Variants in TMEM132C observed in about 807,000 individuals in gnomAD.
TMEM132C encodes the protein transmembrane protein 132C.
In TMEM132C, 29 loss-of-function variants were observed where a neutral mutation model predicts 61.4. That is an observed-to-expected ratio of 0.47 (90% CI 0.35 to 0.64). The LOEUF is 0.64. Ranked by LOEUF, TMEM132C falls within the 30% of genes least tolerant of loss-of-function variation. The pLI is 0.00. For synonymous variants in TMEM132C, 656 were observed against 633.1 expected, an observed-to-expected ratio of 1.04 and a Z score of -0.54; for missense variants, 1,408 against 1,476.9, an observed-to-expected ratio of 0.95 and a Z score of 0.76.
Position 128,528,326 on chromosome 12 carries a change from C to T in TMEM132C, c.975-15631C>T, listed in dbSNP as rs1873165120. 4.6e-5 allele frequency among the ~76,000 whole-genome samples: 7 copies of T among 152,176 alleles called. No homozygotes were observed. In the South Asian group the frequency reaches 1.5e-3, roughly 32 times the overall value. Reference sequence around the variant, plus strand: ...CGATCTCTCCTCCTGATGGTTTATTCTCCCATAATTAAATTAGCATCGTGC... The same window carrying T: ...CGATCTCTCCTCCTGATGGTTTATTTTCCCATAATTAAATTAGCATCGTGC... On this transcript the variant is annotated intron_variant, in intron 2 of 8. Coordinates refer to ENST00000435159, the MANE Select transcript of TMEM132C (RefSeq NM_001136103.3).
At chr12:128,472,533 C>T (rs1258766565) in intron 2 of TMEM132C, among the ~76,000 whole-genome samples, 1 of 152,188 alleles carries the variant, frequency 6.6e-6, no homozygotes. Flanking sequence ...CATGTGTGCA[C>T]GGAGTGGTTG....
At chr12:128,550,390 C>T (rs547216254) in intron 3 of TMEM132C, among the ~76,000 whole-genome samples, 1 of 152,000 alleles carries the variant, frequency 6.6e-6, no homozygotes, top group Admixed American at 6.6e-5. Context: ...GTAGCCTTGA[C>T]TTCCTGGGCT....
At chr12:128,650,201 C>T (rs573502735) in intron 4 of TMEM132C, among the ~76,000 whole-genome samples, 1 of 152,232 alleles carries the variant, frequency 6.6e-6, no homozygotes, top group East Asian at 1.9e-4. Context: ...GTTTTTAATG[C>T]CATGTGACTA....
intron 2 of TMEM132C, among the ~76,000 whole-genome samples, chr12:128,445,156 C>T (rs540534709): frequency 8.6e-5 from 13 of 151,200 alleles, no homozygotes; most frequent in Non-Finnish European, 1.5e-4. Flanking sequence ...TGGAAATTGT[C>T]GACTTTTTTT....
At chr12:128,466,496 G>C (rs1183007708) in intron 2 of TMEM132C, among the ~76,000 whole-genome samples, 1 of 152,148 alleles carries the variant, frequency 6.6e-6, no homozygotes, top group Non-Finnish European at 1.5e-5. Flanking sequence ...CGTTCCACCA[G>C]GTCATGACTT....
At chr12:128,682,713 CTG>C (rs1465508722) in intron 5 of TMEM132C, among the ~76,000 whole-genome samples, 4 of 152,222 alleles carry the variant, frequency 2.6e-5, no homozygotes, top group Non-Finnish European at 4.4e-5. Context: ...TGCACACACT[CTG>C]TCACAGTTTT....
intron 3 of TMEM132C, among the ~76,000 whole-genome samples, chr12:128,574,087 G>A (rs911680271): frequency 1.3e-5 from 2 of 152,018 alleles, no homozygotes; most frequent in African/African-American, 4.8e-5. Context: ...AGAGGAGCCT[G>A]CCCCATTTGG....
At chr12:128,368,438 G>A (rs1443319514) in intron 1 of TMEM132C, among the ~76,000 whole-genome samples, 2 of 152,166 alleles carry the variant, frequency 1.3e-5, no homozygotes, top group African/African-American at 4.8e-5. Flanking sequence ...CTGGGTCTTC[G>A]TTTCTCCCTT....
intron 4 of TMEM132C, among the ~76,000 whole-genome samples, chr12:128,651,681 T>C (rs1335856237): frequency 1.3e-5 from 2 of 152,064 alleles, no homozygotes; most frequent in Non-Finnish European, 2.9e-5. Flanking sequence ...TCCTAGGTGA[T>C]CACAGCTAGG....
At chr12:128,619,663 G>C (rs1392414840) in intron 4 of TMEM132C, among the ~76,000 whole-genome samples, 2 of 152,210 alleles carry the variant, frequency 1.3e-5, no homozygotes, top group African/African-American at 4.8e-5. Flanking sequence ...CCTCCTCCCT[G>C]CGCTGTCCCC....
intron 1 of TMEM132C, among the ~76,000 whole-genome samples, chr12:128,394,954 C>G (rs1244896175): frequency 6.6e-6 from 1 of 150,988 alleles, no homozygotes; most frequent in Admixed American, 6.6e-5. Flanking sequence ...GTGACCATCC[C>G]AAAGATCTCA....
chr12:128,601,531 T>C (rs1876187155), intron 3 of TMEM132C, among the ~76,000 whole-genome samples: 1 of 152,136 alleles, frequency 6.6e-6, no homozygotes, highest in South Asian at 2.1e-4. Flanking sequence ...GCTGTATACA[T>C]AAAGTGGCCA....
At chr12:128,416,620 G>T (rs1488654234) in intron 2 of TMEM132C, among the ~76,000 whole-genome samples, 1 of 152,080 alleles carries the variant, frequency 6.6e-6, no homozygotes, top group African/African-American at 2.4e-5. Flanking sequence ...TTTCATTTCT[G>T]TTTAACTTTT....
Position 128,414,991 on chromosome 12 carries a change from T to G in TMEM132C, c.345T>G (p.Thr115=). The change falls in exon 2 of 9, where the codon ACT becomes ACG. Residue 115 remains threonine, a synonymous_variant. Coordinates refer to ENST00000435159, the MANE Select transcript of TMEM132C (RefSeq NM_001136103.3). The part of the protein sequence containing the change: ...EKVVPLDLML[T]SNFLGPTNKF... ...TTGTGCCTCTGGACTTGATGTTGAC[T>G]TCAAACTTTTTAGGTCCAACCAATA... 2 of 1,552,510 alleles carry G rather than the reference T, an allele frequency of 1.3e-6. No individual in the cohort carries two copies. The highest frequency in any genetic ancestry group is 8.7e-7 in the Non-Finnish European group (1 of 1,147,370).
intron 5 of TMEM132C, among the ~76,000 whole-genome samples, chr12:128,685,743 T>C (rs574598581): frequency 7.7e-6 from 1 of 129,928 alleles, no homozygotes; most frequent in South Asian, 2.4e-4. Flanking sequence ...AGAGCAGACC[T>C]CTAGGGGTGA....
chr12:128,349,442 T>G (rs1005492512), intron 1 of TMEM132C, among the ~76,000 whole-genome samples: 1 of 152,190 alleles, frequency 6.6e-6, no homozygotes, highest in African/African-American at 2.4e-5. Flanking sequence ...TTCCTAAAGC[T>G]TTCTTTCTAA....
At chr12:128,585,190 A>C (rs1875496933) in intron 3 of TMEM132C, among the ~76,000 whole-genome samples, 1 of 152,250 alleles carries the variant, frequency 6.6e-6, no homozygotes, top group South Asian at 2.1e-4. Flanking sequence ...ACACACGTGA[A>C]AAAATGTATA....
chr12:128,547,322 A>G (rs1487298903), intron 3 of TMEM132C, among the ~76,000 whole-genome samples: 5 of 151,830 alleles, frequency 3.3e-5, no homozygotes, highest in African/African-American at 7.3e-5. Flanking sequence ...TGGCACTCAC[A>G]GGTGCAGACA....
intron 2 of TMEM132C, among the ~76,000 whole-genome samples, chr12:128,528,253 C>T (rs144244762): frequency 1.3e-5 from 2 of 152,260 alleles, no homozygotes; most frequent in African/African-American, 4.8e-5. Flanking sequence ...GAATTTTGTG[C>T]CCTCACGCAT....
Sources: gnomAD v4.1 joint callset for allele counts (sites outside exome capture counted in the v4.1 genomes callset) on GRCh38, gnomAD v4.1.1 for gene constraint, MANE v1.5 for transcripts, NCBI Gene and HGNC (gene_info 2026-07-23, HGNC 2026-07-21) for gene names.